The following PLEKHA2 variants were observed in gnomAD, a reference collection of about 807,000 sequenced individuals.
The protein encoded by PLEKHA2 is pleckstrin homology domain containing A2, also known as pleckstrin homology domain-containing family A member 2.
PLEKHA2 carries 28 observed loss-of-function variants against 53.2 expected under a neutral mutation model. The observed-to-expected ratio is 0.53, with a 90% CI of 0.39 to 0.72. The LOEUF (loss-of-function observed/expected upper bound fraction) is 0.72. Ranked by LOEUF, PLEKHA2 falls within the 30% of genes least tolerant of loss-of-function variation. The pLI is 0.00. For synonymous variants in PLEKHA2, 193 were observed against 196.4 expected (o/e 0.98, Z 0.14); for missense variants, 426 against 537.9 (o/e 0.79, Z 2.06).
chr8:38,951,043 G>T, intron 6 of PLEKHA2, 53 bp downstream of exon 6: 1 of 1,567,328 alleles, frequency 6.4e-7, no homozygotes, highest in Non-Finnish European at 8.7e-7. Flanking sequence ...AAGTGTCCAT[G>T]GTGTGCCCAT....
chr8:38,907,147 T>A (rs1053382856), intron 1 of PLEKHA2, among the ~76,000 whole-genome samples: 3 of 152,214 alleles, frequency 2.0e-5, no homozygotes, highest in African/African-American at 7.2e-5. Flanking sequence ...ACCTTTTGAA[T>A]ATTTTCTGGA....
intron 10 of PLEKHA2, among the ~76,000 whole-genome samples, chr8:38,964,343 C>T (rs953420507): frequency 6.6e-6 from 1 of 152,164 alleles, no homozygotes; most frequent in Non-Finnish European, 1.5e-5. Flanking sequence ...AGTGGGAGAG[C>T]AAACATTATC....
chr8:38,962,899 T>A (rs1835064867), intron 10 of PLEKHA2, among the ~76,000 whole-genome samples: 1 of 151,768 alleles, frequency 6.6e-6, no homozygotes, highest in Admixed American at 6.6e-5. Flanking sequence ...CCTAGAACTA[T>A]GTAGTGTGCA....
chr8:38,944,367 A>G (rs1367823641), intron 4 of PLEKHA2, among the ~76,000 whole-genome samples: 1 of 152,094 alleles, frequency 6.6e-6, no homozygotes, highest in African/African-American at 2.4e-5. Context: ...ATACAAAAAA[A>G]TTAGCTGGGC....
At chr8:38,947,406 T>C (rs1375874946) in intron 5 of PLEKHA2, among the ~76,000 whole-genome samples, 7 of 151,808 alleles carry the variant, frequency 4.6e-5, no homozygotes, top group South Asian at 4.2e-4. Context: ...GCCGAGATCG[T>C]GCCATTGCAT....
intron 2 of PLEKHA2, among the ~76,000 whole-genome samples, chr8:38,931,381 C>T (rs575307024): frequency 2.2e-4 from 33 of 152,332 alleles, no homozygotes; most frequent in East Asian, 1.5e-3. Context: ...TCTGCTCAGA[C>T]GCCTTCATCT....
rs771752661 is a variant in PLEKHA2, at chr8:38,950,862, G to C, written c.358G>C (p.Gly120Arg). ...QASKITVPKGGGLPMTTEVLK... is the reference protein window; with the variant it reads ...QASKITVPKGRGLPMTTEVLK... ...CCGCTCACCCCAGGTTCCCAAAGGT[G>C]GGGGCCTACCCATGACCACTGAAGT... The change falls in exon 6 of 12, where the codon GGG (glycine) becomes CGG (arginine). Residue 120 changes from glycine to arginine, a missense_variant. Coordinates refer to ENST00000617275, the MANE Select transcript of PLEKHA2 (RefSeq NM_021623.2). 6.2e-7 allele frequency: 1 copy of C among 1,613,608 alleles called. No individual in the cohort carries two copies. The highest frequency in any genetic ancestry group is 8.5e-7 in the Non-Finnish European group (1 of 1,179,680).
At chr8:38,921,823 A>G (rs1834199818) in intron 2 of PLEKHA2, among the ~76,000 whole-genome samples, 1 of 152,246 alleles carries the variant, frequency 6.6e-6, no homozygotes, top group African/African-American at 2.4e-5. Flanking sequence ...TCTTGCTGTG[A>G]TACAGAAATA....
At chr8:38,940,813 A>AT (rs1834597064) in intron 3 of PLEKHA2, among the ~76,000 whole-genome samples, 2 of 151,832 alleles carry the variant, frequency 1.3e-5, no homozygotes, top group African/African-American at 4.8e-5. Context: ...TCAAATCATC[A>AT]TTTTTTTAGG....
chr8:38,933,790 A>AAAAAAAAAAAAAAAG lies in PLEKHA2; in HGVS notation c.142-2200_142-2199insAAAAAAAAAAGAAAA, dbSNP rs71216697. Among the ~76,000 whole-genome samples, 135 of 90,076 alleles carry AAAAAAAAAAAAAAAG rather than the reference A, an allele frequency of 1.5e-3. 1 individual carries two copies. The highest frequency in any genetic ancestry group is 2.2e-3 in the Non-Finnish European group (89 of 40,452). The allele number at this position is 90,076 out of a possible 152,430, so 59.1% of individuals were successfully genotyped here. A position where few individuals can be genotyped will look rare whatever the true frequency, so the allele number is the denominator to read the frequency against. ...AATAGAGGTTTCCTAAAAAAAAAAA[A>AAAAAAAAAAAAAAAG]AAAAGAAAAGAAAGAAAAGCAGTCG... On this transcript the variant is annotated intron_variant, in intron 2 of 11. Transcript: ENST00000617275.
At chr8:38,940,509 G>A (rs1834585905) in intron 3 of PLEKHA2, among the ~76,000 whole-genome samples, 2 of 152,198 alleles carry the variant, frequency 1.3e-5, no homozygotes, top group South Asian at 4.1e-4. Context: ...AGAGATCAGG[G>A]GCAGAACAAC....
At chr8:38,956,903 A>T (rs1834951417) in intron 9 of PLEKHA2, among the ~76,000 whole-genome samples, 1 of 152,150 alleles carries the variant, frequency 6.6e-6, no homozygotes, top group South Asian at 2.1e-4. Flanking sequence ...GGCTGTTGTG[A>T]AGATTAGATG....
At chr8:38,938,165 G>T (rs1834532099) in intron 3 of PLEKHA2, among the ~76,000 whole-genome samples, 1 of 152,204 alleles carries the variant, frequency 6.6e-6, no homozygotes, top group Non-Finnish European at 1.5e-5. Context: ...AGTTGTCAGG[G>T]CCTTGCTTTC....
chr8:38,969,994 T>A lies in PLEKHA2; in HGVS notation c.*211T>A. Reference sequence around the variant, plus strand: ...GTGTGTGTGTAATATCAACGCAGTGTATTTAATTTGGGGAAGTCACTAGGT... The same window carrying A: ...GTGTGTGTGTAATATCAACGCAGTGAATTTAATTTGGGGAAGTCACTAGGT... On this transcript the variant is annotated 3_prime_UTR_variant, in exon 12 of 12. Coordinates refer to ENST00000617275, the MANE Select transcript of PLEKHA2 (RefSeq NM_021623.2). The A allele has an allele frequency of 8.9e-6, 6 of 675,348 alleles. No individual in the cohort carries two copies. Among genetic ancestry groups the A allele is most frequent in the Non-Finnish European group, 1.5e-5 (6 of 412,636 alleles). 41.8% of individuals were successfully genotyped at this position (675,348 alleles called of 1,614,324 possible). A position where few individuals can be genotyped will look rare whatever the true frequency, so the allele number is the denominator to read the frequency against.
At chr8:38,918,387 AC>A (rs772416890) in intron 2 of PLEKHA2, among the ~76,000 whole-genome samples, 36 of 147,328 alleles carry the variant, frequency 2.4e-4, no homozygotes, top group East Asian at 4.0e-4. Context: ...ACACACACAT[AC>A]CCCCCATACA....
chr8:38,904,425 T>C (rs143929209), intron 1 of PLEKHA2, among the ~76,000 whole-genome samples: 1 of 152,346 alleles, frequency 6.6e-6, no homozygotes, highest in East Asian at 1.9e-4. Context: ...CTCTTGTCCT[T>C]ATGCTCTTGA....
At chr8:38,966,313 A>G in intron 10 of PLEKHA2, among the ~76,000 whole-genome samples, 2 of 113,318 alleles carry the variant, frequency 1.8e-5, no homozygotes, top group Admixed American at 9.8e-5. Flanking sequence ...GGATGGGGGG[A>G]TGAGGGGGGA....
At chr8:38,943,971 G>A in intron 4 of PLEKHA2, 134 bp downstream of exon 4, 2 of 610,556 alleles carry the variant, frequency 3.3e-6, no homozygotes, top group South Asian at 3.5e-5. Flanking sequence ...TGACGGTCCT[G>A]GACGTCAAGT....
rs1382098668 is a variant in PLEKHA2, at chr8:38,970,468, GCTGGCCAGAGATTC to G, written c.*688_*701del. 1 of 158,602 alleles carries G rather than the reference GCTGGCCAGAGATTC, an allele frequency of 6.3e-6. No homozygotes were observed. Among genetic ancestry groups the G allele is most frequent in the Non-Finnish European group, 1.4e-5 (1 of 71,648 alleles). 9.8% of individuals were successfully genotyped at this position (158,602 alleles called of 1,614,324 possible). On this transcript the variant is annotated 3_prime_UTR_variant, in exon 12 of 12. Coordinates refer to ENST00000617275, the MANE Select transcript of PLEKHA2 (RefSeq NM_021623.2). ...AACATTGATTTAGATGTTATGAGTT[GCTGGCCAGAGATTC>G]CTCAGATAAAAGAGCCTAGAAAATT...
Sources: gnomAD v4.1 joint callset for allele counts (sites outside exome capture counted in the v4.1 genomes callset) on GRCh38, gnomAD v4.1.1 for gene constraint, MANE v1.5 for transcripts, NCBI Gene and HGNC (gene_info 2026-07-23, HGNC 2026-07-21) for gene names.